AKAP7: variants seen among roughly 807,000 people sequenced by gnomAD.
AKAP7 encodes the protein A-kinase anchoring protein 7.
Under a neutral mutation model 39.5 loss-of-function variants are expected in AKAP7, and 39 were observed. The observed-to-expected ratio is 0.99, with a 90% CI of 0.76 to 1.29. The LOEUF is 1.29. Ranked by LOEUF, AKAP7 falls within the 50% of genes most tolerant of loss-of-function variation. The pLI is 0.00. For synonymous variants in AKAP7, 140 were observed against 139.1 expected (o/e 1.01, Z -0.05); for missense variants, 414 against 407.7 (o/e 1.02, Z -0.13).
intron 7 of AKAP7, among the ~76,000 whole-genome samples, chr6:131,236,544 A>G (rs536337785): frequency 8.9e-4 from 135 of 152,316 alleles, no homozygotes; most frequent in African/African-American, 3.1e-3. Context: ...CAAGCATGGA[A>G]TGTTCTTCCA....
chr6:131,180,134 G>T (rs1805016022), intron 5 of AKAP7, among the ~76,000 whole-genome samples: 1 of 152,182 alleles, frequency 6.6e-6, no homozygotes, highest in Non-Finnish European at 1.5e-5. Context: ...CACTGAGGCT[G>T]GGATCTGCTC....
chr6:131,185,261 C>T (rs925773356), intron 5 of AKAP7: 10 of 468,774 alleles, frequency 2.1e-5, no homozygotes, highest in Non-Finnish European at 4.0e-5. Context: ...TCCGCCAGTG[C>T]TGGGCAGGGT....
At chr6:131,187,474 T>C (rs909156416) in intron 5 of AKAP7, among the ~76,000 whole-genome samples, 2 of 152,158 alleles carry the variant, frequency 1.3e-5, no homozygotes, top group South Asian at 4.2e-4. Flanking sequence ...CATAGAGACT[T>C]ATTTCAAGTG....
chr6:131,267,519 A>G (rs569352679), intron 7 of AKAP7, among the ~76,000 whole-genome samples: 42 of 152,248 alleles, frequency 2.8e-4, no homozygotes, highest in Admixed American at 6.5e-4. Flanking sequence ...AATAGTTGAT[A>G]TGCAGACTCT....
chr6:131,248,808 A>G (rs1812230997), intron 7 of AKAP7, among the ~76,000 whole-genome samples: 1 of 152,164 alleles, frequency 6.6e-6, no homozygotes, highest in Admixed American at 6.5e-5. Context: ...ACTATTTTAC[A>G]TTTATATACA....
chr6:131,148,480 C>A (rs377708725), intron 2 of AKAP7, among the ~76,000 whole-genome samples: 3 of 149,302 alleles, frequency 2.0e-5, no homozygotes, highest in Non-Finnish European at 4.5e-5. Context: ...TTCCCCCCCC[C>A]GTTTATCTCA....
At position 131,184,451 on chromosome 6, in the gene AKAP7, A is replaced by G. The variant is rs1010263773; in HGVS notation, c.590-15010A>G. On this transcript the variant is annotated intron_variant, in intron 5 of 7. Transcript: ENST00000431975. ...GAGTGAGACAGTACATTTCGTAGCC[A>G]TGATCGCAGCATCACAAAAGCCCAG... The G allele has an allele frequency of 7.7e-5, 51 of 660,756 alleles. No individual in the cohort carries two copies. In the Middle Eastern group the frequency reaches 1.1e-3, roughly 14 times the overall value. 40.9% of individuals were successfully genotyped at this position (660,756 alleles called of 1,614,324 possible). A position where few individuals can be genotyped will look rare whatever the true frequency, so the allele number is the denominator to read the frequency against.
chr6:131,274,859 TC>T (rs1431903045), intron 7 of AKAP7, among the ~76,000 whole-genome samples: 1 of 152,176 alleles, frequency 6.6e-6, no homozygotes, highest in African/African-American at 2.4e-5. Context: ...TCTGGAAACC[TC>T]CCTGCCTCTC....
intron 2 of AKAP7, among the ~76,000 whole-genome samples, chr6:131,150,242 A>T (rs560592853): frequency 6.6e-6 from 1 of 152,338 alleles, no homozygotes; most frequent in African/African-American, 2.4e-5. Flanking sequence ...CTCACACAGA[A>T]TTCTACTCTG....
At chr6:131,132,397 A>C (rs1411554732), upstream of AKAP7, among the ~76,000 whole-genome samples, 1 of 151,806 alleles carries the variant, frequency 6.6e-6, no homozygotes, top group Non-Finnish European at 1.5e-5. Context: ...TGCTTTAACG[A>C]AGGTTCACCT....
chr6:131,176,851 C>T (rs150350172), intron 5 of AKAP7, among the ~76,000 whole-genome samples: 2 of 152,178 alleles, frequency 1.3e-5, no homozygotes, highest in Non-Finnish European at 2.9e-5. Flanking sequence ...GCCTGCTAAC[C>T]GTTCCCCTAA....
intron 6 of AKAP7, among the ~76,000 whole-genome samples, chr6:131,204,943 A>AACC (rs1321492420): frequency 6.6e-6 from 1 of 152,136 alleles, no homozygotes; most frequent in African/African-American, 2.4e-5. Flanking sequence ...GGTAGTCTGG[A>AACC]AATGATTTTA....
chr6:131,251,275 TG>T (rs1812429414), intron 7 of AKAP7, among the ~76,000 whole-genome samples: 1 of 152,240 alleles, frequency 6.6e-6, no homozygotes, highest in Non-Finnish European at 1.5e-5. Context: ...CACTGGCTTA[TG>T]TATATTCACT....
chr6:131,140,482 A>C (rs1314952211), intron 1 of AKAP7, among the ~76,000 whole-genome samples: 1 of 152,170 alleles, frequency 6.6e-6, no homozygotes, highest in Non-Finnish European at 1.5e-5. Context: ...TCATCATTGT[A>C]TTCTTTCTTT....
intron 2 of AKAP7, 110 bp downstream of exon 2, chr6:131,145,526 G>C (rs2128227458): frequency 2.9e-6 from 2 of 700,360 alleles, no homozygotes; most frequent in South Asian, 1.2e-4. Flanking sequence ...TTATGTTTTT[G>C]AGTTTTAATT....
chr6:131,277,582 A>G (rs574702829), intron 7 of AKAP7, among the ~76,000 whole-genome samples: 17 of 152,376 alleles, frequency 1.1e-4, no homozygotes, highest in Admixed American at 5.2e-4. Context: ...AGTTGGCAGA[A>G]GAAAAATACA....
At chr6:131,221,102 T>C (rs2128298631) in intron 7 of AKAP7, among the ~76,000 whole-genome samples, 1 of 152,322 alleles carries the variant, frequency 6.6e-6, no homozygotes, top group Non-Finnish European at 1.5e-5. Context: ...TTAGCCAAGT[T>C]GTGAATGCCA....
intron 1 of AKAP7, among the ~76,000 whole-genome samples, chr6:131,139,219 A>G (rs147765055): frequency 3.3e-5 from 5 of 152,348 alleles, no homozygotes; most frequent in East Asian, 1.9e-4. Flanking sequence ...ACATTGTTCT[A>G]TAGAATGACC....
In AKAP7 at chr6:131,281,557, A is replaced by T; in HGVS notation, c.878A>T (p.Asp293Val). Residue 293 changes from aspartate (D) to valine (V), a missense_variant, in exon 8 of 8, where the codon GAC becomes GTC. Coordinates refer to ENST00000431975, the MANE Select transcript of AKAP7 (RefSeq NM_016377.4). This position sits in a 1 kb window ranked among gnomAD's most constrained non-coding sequence, Gnocchi z 4.0. Reference sequence around the variant, plus strand: ...GAAAAGAACGGAGGGGAGCCCGATGACGCTGAACTAGTAAGGCTCAGTAAG... The same window carrying T: ...GAAAAGAACGGAGGGGAGCCCGATGTCGCTGAACTAGTAAGGCTCAGTAAG... ...IGEKNGGEPD[D>V]AELVRLSKRL... 6.2e-7 allele frequency: 1 copy of T among 1,611,516 alleles called. No individual in the cohort carries two copies. Among genetic ancestry groups the T allele is most frequent in the South Asian group, 1.1e-5 (1 of 90,670 alleles).
Sources: allele counts gnomAD v4.1 joint callset (sites outside exome capture counted in the v4.1 genomes callset), GRCh38; gene constraint gnomAD v4.1.1; non-coding constraint Gnocchi (gnomAD v3.1); transcripts MANE v1.5; gene names NCBI Gene and HGNC (gene_info 2026-07-23, HGNC 2026-07-21).